MAGI2: variants seen among roughly 807,000 people sequenced by gnomAD.
MAGI2 encodes the protein membrane associated guanylate kinase, WW and PDZ domain containing 2, also known as membrane-associated guanylate kinase, WW and PDZ domain-containing protein 2.
MAGI2 carries 35 observed loss-of-function variants against 133.3 expected under a neutral mutation model. The ratio of observed to expected loss-of-function variants is 0.26; its 90% CI spans 0.20 to 0.35. The LOEUF is 0.35. Ranked by LOEUF, MAGI2 falls within the 10% of genes least tolerant of loss-of-function variation. MAGI2 has a pLI of 1.00. For synonymous variants in MAGI2, 729 were observed against 710.6 expected (o/e 1.03, Z -0.41); for missense variants, 1,636 against 1,863.4 (o/e 0.88, Z 2.25).
At chr7:79,087,538 G>A (rs1325743993) in intron 1 of MAGI2, among the ~76,000 whole-genome samples, 2 of 151,914 alleles carry the variant, frequency 1.3e-5, no homozygotes, top group Non-Finnish European at 2.9e-5. Flanking sequence ...CTTTTATAAT[G>A]AGTCAGTGTA....
intron 1 of MAGI2, among the ~76,000 whole-genome samples, chr7:79,198,246 G>A (rs549686363): frequency 5.5e-5 from 8 of 146,414 alleles, no homozygotes; most frequent in African/African-American, 1.4e-4. Flanking sequence ...GAGTGAGACC[G>A]TGTTCAAAAA....
At chr7:79,288,109 T>G (rs1836163673) in intron 1 of MAGI2, among the ~76,000 whole-genome samples, 1 of 152,190 alleles carries the variant, frequency 6.6e-6, no homozygotes, top group Non-Finnish European at 1.5e-5. Flanking sequence ...AATAACTGTT[T>G]TCTAACTTGC....
At chr7:78,116,358 GA>G (rs34731843) in intron 20 of MAGI2, among the ~76,000 whole-genome samples, 11 of 143,256 alleles carry the variant, frequency 7.7e-5, no homozygotes, top group African/African-American at 1.5e-4. Flanking sequence ...TCCAACTTAG[GA>G]AAAAAAAAAA....
At chr7:79,367,010 T>C (rs1007344636) in intron 1 of MAGI2, among the ~76,000 whole-genome samples, 1 of 152,206 alleles carries the variant, frequency 6.6e-6, no homozygotes, top group Admixed American at 6.5e-5. Flanking sequence ...TCACTCCTTC[T>C]AGATACAGGT....
intron 1 of MAGI2, among the ~76,000 whole-genome samples, chr7:79,150,050 A>T (rs1043051772): frequency 6.6e-6 from 1 of 152,114 alleles, no homozygotes; most frequent in East Asian, 1.9e-4. Flanking sequence ...GCTGAAGTTA[A>T]CTAGCCACAT....
rs191005082 is a variant in MAGI2 at position 78,356,984 on chromosome 7, T to G, written c.1104-10941A>C. 1.6e-3 allele frequency among the ~76,000 whole-genome samples: 242 copies of G among 152,342 alleles called. 3 individuals are homozygous for G. Among genetic ancestry groups the G allele is most frequent in the Non-Finnish European group, 1.3e-4 (9 of 68,036 alleles). On this transcript the variant is annotated intron_variant, in intron 7 of 21. Coordinates refer to ENST00000354212, the MANE Select transcript of MAGI2 (RefSeq NM_012301.4). ...AGAAATTCCCCTAATGTTTCTGAAC[T>G]GCAACTGCCTCATCTGTAAATATTC... is the stretch of plus-strand genomic sequence containing the variant.
chr7:78,881,338 T>A (rs1422901251), intron 2 of MAGI2, among the ~76,000 whole-genome samples: 1 of 145,780 alleles, frequency 6.9e-6, no homozygotes, highest in Non-Finnish European at 1.5e-5. Flanking sequence ...CAAGTCTCAA[T>A]AAATTTTAAA....
At chr7:78,149,527 A>G (rs890612383) in intron 16 of MAGI2, among the ~76,000 whole-genome samples, 2 of 152,112 alleles carry the variant, frequency 1.3e-5, no homozygotes, top group Non-Finnish European at 2.9e-5. Context: ...TTGTATTTCA[A>G]TTTTGTCAAG....
chr7:78,510,660 T>C (rs1386809116), intron 4 of MAGI2, among the ~76,000 whole-genome samples: 4 of 152,170 alleles, frequency 2.6e-5, no homozygotes, highest in African/African-American at 9.7e-5. Context: ...AATAGAGACA[T>C]GTAATGGGGT....
chr7:78,566,548 A>AAC (rs1375705254), intron 3 of MAGI2, among the ~76,000 whole-genome samples: 1 of 151,638 alleles, frequency 6.6e-6, no homozygotes, highest in African/African-American at 2.4e-5. Flanking sequence ...AAAAAAAAAA[A>AAC]AACAGAGGAA....
chr7:78,712,503 GTAT>G (rs1563393207), intron 2 of MAGI2, among the ~76,000 whole-genome samples: 1 of 152,066 alleles, frequency 6.6e-6, no homozygotes, highest in Non-Finnish European at 1.5e-5. Context: ...TAACGCTGCA[GTAT>G]CTTTGCTTTT....
chr7:78,940,571 G>A (rs1800888145), intron 2 of MAGI2: 1 of 152,146 alleles, frequency 6.6e-6, no homozygotes, highest in Non-Finnish European at 1.5e-5. Flanking sequence ...GCCCCCAACT[G>A]CAGGGCTTCT....
intron 1 of MAGI2, among the ~76,000 whole-genome samples, chr7:79,225,539 T>G (rs184499427): frequency 6.6e-6 from 1 of 152,162 alleles, no homozygotes; most frequent in Admixed American, 6.6e-5. Context: ...ATTTGACATA[T>G]GTTTTGCTGG....
chr7:78,194,904 C>G lies in MAGI2; in HGVS notation c.2239G>C (p.Glu747Gln). 6.2e-7 allele frequency: 1 copy of G among 1,609,606 alleles called. No individual in the cohort carries two copies. Among genetic ancestry groups the G allele is most frequent in the Middle Eastern group, 1.7e-4 (1 of 6,036 alleles). ...CTTTCATAAATGGCCCTAGATTTCT[C>G]GTAGAGCTCATATGGATCAGGCTTC... ...PRKPDPYELY[E>Q]KSRAIYESRQ... Residue 747 changes from glutamate to glutamine, a missense_variant, in exon 12 of 22, where the codon GAG becomes CAG. By Grantham distance (29) the Glu-to-Gln change is conservative. This residue lies in a region of MAGI2 where 920 missense variants were observed against 1,093.5 expected (regional missense o/e 0.84). Transcript: ENST00000354212.
chr7:79,399,335 C>T (rs1439038001), intron 1 of MAGI2, among the ~76,000 whole-genome samples: 2 of 151,946 alleles, frequency 1.3e-5, no homozygotes, highest in Non-Finnish European at 2.9e-5. Flanking sequence ...CTCAAGAGAT[C>T]TGCCCACCTC....
intron 1 of MAGI2, chr7:79,412,955 C>T (rs1399281968): frequency 6.6e-6 from 1 of 152,130 alleles, no homozygotes; most frequent in East Asian, 1.9e-4. Flanking sequence ...AAAATATCCT[C>T]AAATCTTCTA....
intron 2 of MAGI2, among the ~76,000 whole-genome samples, chr7:78,717,682 A>G (rs1184721571): frequency 1.3e-5 from 2 of 152,168 alleles, no homozygotes; most frequent in African/African-American, 2.4e-5. Flanking sequence ...ACTTACAGCT[A>G]TTATTTATTT....
intron 1 of MAGI2, among the ~76,000 whole-genome samples, chr7:79,225,817 G>A (rs1830803583): frequency 6.6e-6 from 1 of 152,196 alleles, no homozygotes; most frequent in African/African-American, 2.4e-5. Flanking sequence ...AGCCTGTTTT[G>A]TAATATTCTA....
chr7:78,074,752 C>A (rs1204190441), intron 21 of MAGI2, among the ~76,000 whole-genome samples: 2 of 152,100 alleles, frequency 1.3e-5, no homozygotes, highest in Non-Finnish European at 2.9e-5. Flanking sequence ...TGAAAGAAGA[C>A]AAGAAATTCT....
Sources: gnomAD v4.1 joint callset for allele counts (sites outside exome capture counted in the v4.1 genomes callset) on GRCh38, gnomAD v4.1.1 for gene constraint, gnomAD v4.1.1 regional missense constraint, MANE v1.5 for transcripts, NCBI Gene and HGNC (gene_info 2026-07-23, HGNC 2026-07-21) for gene names.